SYT16: variants seen among roughly 807,000 people sequenced by gnomAD.
SYT16 encodes synaptotagmin 16.
SYT16 carries 42 observed loss-of-function variants against 61.4 expected under a neutral mutation model. The ratio of observed to expected loss-of-function variants is 0.68; its 90% CI spans 0.53 to 0.89. The LOEUF is 0.89. SYT16 is among the 40% of genes least tolerant of loss of function. The probability of loss-of-function intolerance (pLI) is 0.00; values close to 1 mark genes in which losing one functional copy is unlikely to be tolerated. For missense variants in SYT16, 804 were observed against 807.3 expected (o/e 1.00, Z 0.05); for synonymous variants, 314 against 302.3 (o/e 1.04, Z -0.40).
At chr14:62,004,333 T>C (rs2053138421) in intron 3 of SYT16, among the ~76,000 whole-genome samples, 1 of 152,076 alleles carries the variant, frequency 6.6e-6, no homozygotes, top group Non-Finnish European at 1.5e-5. Flanking sequence ...ACTCCCTCAT[T>C]ATCATGAGAA....
chr14:61,971,081 G>A (rs1301215937), intron 2 of SYT16, among the ~76,000 whole-genome samples: 4 of 151,974 alleles, frequency 2.6e-5, no homozygotes, highest in Admixed American at 1.3e-4. Flanking sequence ...GGTATCCTAC[G>A]TTCTTGATGT....
chr14:62,018,683 A>C (rs968822495), intron 3 of SYT16, among the ~76,000 whole-genome samples: 3 of 152,038 alleles, frequency 2.0e-5, no homozygotes, highest in African/African-American at 7.2e-5. Flanking sequence ...CCCAAACTCC[A>C]CATCTCCCCA....
At chr14:61,976,100 G>A (rs931065295) in intron 2 of SYT16, among the ~76,000 whole-genome samples, 3 of 152,226 alleles carry the variant, frequency 2.0e-5, no homozygotes, top group Non-Finnish European at 2.9e-5. Flanking sequence ...ATCCAGTGGG[G>A]CAGTCAAATC....
chr14:61,835,319 C>T (rs571118756), intron 1 of SYT16, among the ~76,000 whole-genome samples: 7 of 130,402 alleles, frequency 5.4e-5, no homozygotes, highest in Admixed American at 4.6e-4. Context: ...AGTGCAGTGG[C>T]GCGGTCTCGG....
intron 1 of SYT16, among the ~76,000 whole-genome samples, chr14:61,915,308 G>T (rs568888420): frequency 1.3e-4 from 20 of 152,042 alleles, no homozygotes; most frequent in Non-Finnish European, 2.5e-4. Flanking sequence ...GAAGAAGATT[G>T]AATTTTTTTT....
intron 3 of SYT16, among the ~76,000 whole-genome samples, chr14:62,063,936 T>G (rs1023875070): frequency 3.3e-5 from 5 of 152,156 alleles, no homozygotes; most frequent in Non-Finnish European, 7.3e-5. Context: ...TGGTGGCAGA[T>G]GTTTAGATGA....
rs759436822 is a variant in SYT16 at position 61,996,111 on chromosome 14, C to T, written c.92C>T (p.Ala31Val). The T allele has an allele frequency of 6.0e-5, 96 of 1,613,176 alleles. No individual in the cohort carries two copies. The highest frequency in any genetic ancestry group is 1.3e-4 in the Admixed American group (8 of 59,896). Residue 31 changes from alanine (A) to valine (V), a missense_variant, in exon 3 of 8, where the codon GCA (alanine) becomes GTA (valine). Physicochemically the swap from Ala to Val is moderately conservative, Grantham distance 64 (BLOSUM62 0). Coordinates refer to ENST00000683842, the MANE Select transcript of SYT16 (RefSeq NM_001367656.1). The stretch of plus-strand genomic sequence containing the variant: ...CGGGTTTATGAAGCTCTCCAGCAAG[C>T]AGGAGATATGTTATCTGCTTCGCTG... ...ISRVYEALQQ[A>V]GDMLSASLVN...
intron 1 of SYT16, among the ~76,000 whole-genome samples, chr14:61,895,393 T>A (rs184335665): frequency 3.1e-4 from 47 of 152,348 alleles, no homozygotes; most frequent in Admixed American, 8.5e-4. Context: ...CCTGCTTATG[T>A]TTGATTTCAT....
intron 1 of SYT16, among the ~76,000 whole-genome samples, chr14:61,921,994 T>G (rs2049350131): frequency 6.6e-6 from 1 of 152,246 alleles, no homozygotes; most frequent in Non-Finnish European, 1.5e-5. Flanking sequence ...CCCAGGGTTC[T>G]TATGTCTAAA....
At chr14:62,060,633 GTA>G (rs2055785192) in intron 3 of SYT16, among the ~76,000 whole-genome samples, 1 of 151,654 alleles carries the variant, frequency 6.6e-6, no homozygotes, top group South Asian at 2.1e-4. Context: ...ATCAACTTTA[GTA>G]TCTTAAACCA....
chr14:62,084,188 C>T lies in SYT16; in HGVS notation c.1435-8C>T, dbSNP rs1462329390. 5 of 1,610,292 alleles carry T rather than the reference C, an allele frequency of 3.1e-6. No homozygotes were observed. Among genetic ancestry groups the T allele is most frequent in the African/African-American group, 1.3e-5 (1 of 74,494 alleles). ...GCCAATGGATTCTTTGTTGTTCTTC[C>T]CCTCCAGAGTGGAGGGTCTCCGCTC... is the stretch of plus-strand genomic sequence containing the variant. On this transcript the variant is annotated splice_polypyrimidine_tract_variant and splice_region_variant and intron_variant, in intron 6 of 7. Transcript: ENST00000683842.
At chr14:61,995,180 T>C (rs2052714351) in intron 2 of SYT16, among the ~76,000 whole-genome samples, 1 of 152,156 alleles carries the variant, frequency 6.6e-6, no homozygotes, top group Non-Finnish European at 1.5e-5. Context: ...AGCTGCTTCC[T>C]TCAGGCTGTA....
intron 1 of SYT16, chr14:61,832,274 G>T: frequency 1.7e-6 from 1 of 595,970 alleles, no homozygotes; most frequent in Non-Finnish European, 3.3e-6. Flanking sequence ...GGAGCGCATA[G>T]TCATCGCTCT....
intron 1 of SYT16, among the ~76,000 whole-genome samples, chr14:61,922,142 G>A (rs76982804): frequency 0.022 from 3,391 of 152,276 alleles, 47 homozygotes; most frequent in Admixed American, 0.03. Context: ...CAAAGAGCTA[G>A]ACACAGAGCT....
intron 1 of SYT16, among the ~76,000 whole-genome samples, chr14:61,860,830 C>G (rs1032961897): frequency 1.3e-5 from 2 of 150,952 alleles, no homozygotes; most frequent in African/African-American, 4.8e-5. Flanking sequence ...TTGATACAGG[C>G]AGTGTTGGAT....
intron 3 of SYT16, among the ~76,000 whole-genome samples, chr14:62,042,896 C>A (rs981042020): frequency 6.6e-6 from 1 of 152,066 alleles, no homozygotes; most frequent in Admixed American, 6.5e-5. Flanking sequence ...ATAGGACTTA[C>A]CTTTCTCATT....
At chr14:61,888,307 A>T (rs2047992997) in intron 1 of SYT16, among the ~76,000 whole-genome samples, 1 of 151,996 alleles carries the variant, frequency 6.6e-6, no homozygotes, top group Non-Finnish European at 1.5e-5. Flanking sequence ...TAGTAGAGAC[A>T]GGGTTTTGCC....
At chr14:62,092,367 A>C (rs2057115985) in intron 7 of SYT16, among the ~76,000 whole-genome samples, 1 of 152,028 alleles carries the variant, frequency 6.6e-6, no homozygotes, top group African/African-American at 2.4e-5. Context: ...TAACTCAGCA[A>C]ATCCATTTGT....
rs1198807559 is a variant in SYT16, at chr14:62,075,616, A to AAG, written c.993+226_993+227insGA. On this transcript the variant is annotated intron_variant, in intron 5 of 7. Transcript: ENST00000683842. ...AAAGGATGAACGGTAAAAAAAAAAA[A>AAG]AAAGAAAAAAAGAAAAAAAAATAAG... 2.6e-3 allele frequency among the ~76,000 whole-genome samples: 293 copies of AAG among 114,334 alleles called. 2 individuals are homozygous for AAG. Among genetic ancestry groups the AAG allele is most frequent in the African/African-American group, 0.012 (283 of 23,788 alleles). The allele number at this position is 114,334 out of a possible 152,430, so 75.0% of individuals were successfully genotyped here.
Sources: gnomAD v4.1 joint callset for allele counts (sites outside exome capture counted in the v4.1 genomes callset) on GRCh38, gnomAD v4.1.1 for gene constraint, MANE v1.5 for transcripts, NCBI Gene and HGNC (gene_info 2026-07-23, HGNC 2026-07-21) for gene names.